ADAMTS6: variants seen among roughly 807,000 people sequenced by gnomAD.
ADAMTS6 encodes the protein ADAM metallopeptidase with thrombospondin type 1 motif 6.
Under a neutral mutation model 144.3 loss-of-function variants are expected in ADAMTS6, and 23 were observed. That is an observed-to-expected ratio of 0.16 (90% CI 0.11 to 0.23). The LOEUF (loss-of-function observed/expected upper bound fraction) is 0.23, where lower values mean the gene tolerates loss of function less well. ADAMTS6 is among the 10% of genes least tolerant of loss of function. ADAMTS6 has a pLI of 1.00. For missense variants in ADAMTS6, 999 were observed against 1,379.6 expected (o/e 0.72, Z 4.37); for synonymous variants, 444 against 457.5 (o/e 0.97, Z 0.38).
At chr5:65,453,697 T>G (rs1468488955) in intron 4 of ADAMTS6, among the ~76,000 whole-genome samples, 1 of 152,206 alleles carries the variant, frequency 6.6e-6, no homozygotes, top group Non-Finnish European at 1.5e-5. Flanking sequence ...CCTCACTGAT[T>G]ATCATCTTCA....
At chr5:65,178,260 T>A (rs1229223536) in intron 22 of ADAMTS6, among the ~76,000 whole-genome samples, 2 of 152,146 alleles carry the variant, frequency 1.3e-5, no homozygotes, top group East Asian at 3.9e-4. Context: ...AAATAAGACA[T>A]CGTGCGAGAA....
At chr5:65,372,090 C>T (rs1368791872) in intron 7 of ADAMTS6, among the ~76,000 whole-genome samples, 1 of 151,242 alleles carries the variant, frequency 6.6e-6, no homozygotes, top group Non-Finnish European at 1.5e-5. Flanking sequence ...TTTGTCACCA[C>T]CACGCCTGCC....
chr5:65,185,480 T>C (rs956399370), intron 22 of ADAMTS6, among the ~76,000 whole-genome samples: 1 of 152,200 alleles, frequency 6.6e-6, no homozygotes, highest in Non-Finnish European at 1.5e-5. Context: ...TTCCTGTCTG[T>C]GGAAAGACAA....
At chr5:65,167,964 A>G (rs1225334799) in intron 24 of ADAMTS6, among the ~76,000 whole-genome samples, 1 of 122,758 alleles carries the variant, frequency 8.1e-6, no homozygotes, top group East Asian at 2.3e-4. Context: ...TTCCCTTTGA[A>G]AACTGGCACA....
chr5:65,262,773 C>T, intron 13 of ADAMTS6, 44 bp downstream of exon 13: 1 of 1,468,422 alleles, frequency 6.8e-7, no homozygotes, highest in Non-Finnish European at 9.0e-7. Context: ...GAATCATTTC[C>T]AACTGTGTCT....
chr5:65,301,676 T>C (rs1426608596), intron 9 of ADAMTS6, among the ~76,000 whole-genome samples: 1 of 150,924 alleles, frequency 6.6e-6, no homozygotes, highest in African/African-American at 2.4e-5. Flanking sequence ...AGAACTGATA[T>C]TGGTCTGAAC....
intron 9 of ADAMTS6, among the ~76,000 whole-genome samples, chr5:65,307,391 AG>A (rs1448317625): frequency 2.4e-4 from 36 of 152,248 alleles, no homozygotes; most frequent in Non-Finnish European, 2.9e-5. Context: ...GGTTTAGTGA[AG>A]TGAACTGAAT....
chr5:65,451,282 C>A, intron 7 of ADAMTS6, 193 bp downstream of exon 7: 2 of 508,996 alleles, frequency 3.9e-6, no homozygotes, highest in Non-Finnish European at 6.6e-6. Context: ...TTAATATTTT[C>A]TTTTTTCTTA....
rs555339419 is a variant in ADAMTS6 at position 65,282,454 on chromosome 5, T to C, written c.1512+8875A>G. On this transcript the variant is annotated intron_variant, in intron 11 of 24. Coordinates refer to ENST00000381055, the MANE Select transcript of ADAMTS6 (RefSeq NM_197941.4). ...GAGAATAGTTTGTAAATGTTTCTTA[T>C]TAGACTTAAAAAGGTGCCAGACTCC... Among the ~76,000 whole-genome samples the C allele has an allele frequency of 2.0e-5, 3 of 152,166 alleles. No homozygotes were observed. The East Asian group carries it at 5.8e-4, about 29-fold the overall frequency.
chr5:65,332,308 T>TAGAGAG (rs1176890409), intron 8 of ADAMTS6, among the ~76,000 whole-genome samples: 6 of 109,452 alleles, frequency 5.5e-5, no homozygotes, highest in Non-Finnish European at 1.3e-4. Flanking sequence ...TATATATATA[T>TAGAGAG]ATATAGAGAG....
At chr5:65,469,299 A>G (rs1038219877) in intron 3 of ADAMTS6, among the ~76,000 whole-genome samples, 10 of 152,158 alleles carry the variant, frequency 6.6e-5, no homozygotes, top group African/African-American at 2.4e-4. Context: ...TTATCTTCAT[A>G]TCTACAATCA....
intron 11 of ADAMTS6, among the ~76,000 whole-genome samples, chr5:65,289,058 A>G (rs1343211444): frequency 6.6e-6 from 1 of 152,208 alleles, no homozygotes; most frequent in Non-Finnish European, 1.5e-5. Context: ...CAAATAACAC[A>G]AGCATTTTCA....
intron 11 of ADAMTS6, among the ~76,000 whole-genome samples, chr5:65,282,604 T>C (rs1763070870): frequency 1.3e-5 from 2 of 152,050 alleles, no homozygotes; most frequent in Admixed American, 1.3e-4. Flanking sequence ...AATAAATAGA[T>C]TTTAGGGTAA....
chr5:65,334,055 G>T lies in ADAMTS6; in HGVS notation c.1104C>A (p.Pro368=). ...AAAAAAACTTACCCAGTGTTCCACA[G>T]GGCTTATTTTTATAAGTGCAGATAT... The part of the protein sequence containing the change: ...RYDICTYKNK[P]CGTLGLASVA... The change falls in exon 8 of 25, where the codon CCC becomes CCA. Residue 368 remains proline (P), a synonymous_variant. Transcript: ENST00000381055. 1 of 1,441,552 alleles carries T rather than the reference G, an allele frequency of 6.9e-7. No homozygotes were observed. The highest frequency in any genetic ancestry group is 9.1e-7 in the Non-Finnish European group (1 of 1,101,498). The allele number at this position is 1,441,552 out of a possible 1,614,324, so 89.3% of individuals were successfully genotyped here.
At chr5:65,375,858 A>G (rs1284354909) in intron 7 of ADAMTS6, among the ~76,000 whole-genome samples, 1 of 152,202 alleles carries the variant, frequency 6.6e-6, no homozygotes, top group Non-Finnish European at 1.5e-5. Context: ...CTTGGAACCA[A>G]CCCAAATGTC....
At chr5:65,293,381 C>A (rs1280813409) in intron 10 of ADAMTS6, among the ~76,000 whole-genome samples, 1 of 152,030 alleles carries the variant, frequency 6.6e-6, no homozygotes, top group Admixed American at 6.5e-5. Context: ...AAAATATTTA[C>A]AATGGCATAA....
At chr5:65,437,916 C>T (rs900355234) in intron 7 of ADAMTS6, among the ~76,000 whole-genome samples, 2 of 152,092 alleles carry the variant, frequency 1.3e-5, no homozygotes, top group African/African-American at 4.8e-5. Context: ...GTATTTCAAA[C>T]CTCTTATTCA....
At chr5:65,163,863 C>T (rs534574467) in intron 24 of ADAMTS6, among the ~76,000 whole-genome samples, 22 of 152,178 alleles carry the variant, frequency 1.4e-4, no homozygotes, top group African/African-American at 4.6e-4. Flanking sequence ...GTGACTCGCA[C>T]GTAGTAGCAT....
At chr5:65,449,144 T>G (rs1446811667) in intron 7 of ADAMTS6, among the ~76,000 whole-genome samples, 1 of 152,220 alleles carries the variant, frequency 6.6e-6, no homozygotes, top group Non-Finnish European at 1.5e-5. Flanking sequence ...TAGAAGTTAC[T>G]TTGAAACTTT....
Sources: gnomAD v4.1 joint callset for allele counts (sites outside exome capture counted in the v4.1 genomes callset) on GRCh38, gnomAD v4.1.1 for gene constraint, MANE v1.5 for transcripts, NCBI Gene and HGNC (gene_info 2026-07-23, HGNC 2026-07-21) for gene names.